DDX19A: variants seen among roughly 807,000 people sequenced by gnomAD.
The protein encoded by DDX19A is ATP-dependent RNA helicase DDX19A.
A neutral mutation model predicts 60.6 loss-of-function variants in DDX19A; 12 were observed. The ratio of observed to expected loss-of-function variants is 0.20; its 90% CI spans 0.13 to 0.32. The LOEUF (loss-of-function observed/expected upper bound fraction) is 0.32. DDX19A is among the 10% of genes least tolerant of loss of function. The probability of loss-of-function intolerance (pLI) is 1.00; values close to 1 mark genes in which losing one functional copy is unlikely to be tolerated. For missense variants in DDX19A, 337 were observed against 600.6 expected (o/e 0.56, Z 4.59); for synonymous variants, 206 against 218.2 (o/e 0.94, Z 0.49).
chr16:70,351,730 G>A (rs988441071), intron 2 of DDX19A, among the ~76,000 whole-genome samples: 2 of 151,390 alleles, frequency 1.3e-5, no homozygotes, highest in African/African-American at 4.9e-5. Context: ...GGGTTTCACC[G>A]TGTTAGCCAG....
intron 7 of DDX19A, chr16:70,365,774 T>G (rs1964501640): frequency 1.7e-5 from 7 of 411,028 alleles, no homozygotes; most frequent in Middle Eastern, 7.6e-4. Context: ...AGTGAGACCC[T>G]GTCTCAAAAT....
At chr16:70,356,886 G>T in intron 4 of DDX19A, 1 of 1,273,828 alleles carries the variant, frequency 7.9e-7, no homozygotes, top group South Asian at 1.3e-5. Context: ...ATTTCTGGAT[G>T]TCAGGAACAT....
At position 70,356,171 on chromosome 16, in the gene DDX19A, A is replaced by G; in HGVS notation, c.217A>G (p.Thr73Ala). The G allele has an allele frequency of 3.1e-6, 5 of 1,613,990 alleles. No homozygotes were observed. The highest frequency in any genetic ancestry group is 4.2e-6 in the Non-Finnish European group (5 of 1,179,998). The change falls in exon 4 of 12, where the codon ACA becomes GCA. Residue 73 changes from threonine to alanine, a missense_variant. By Grantham distance (58) the Thr-to-Ala change is moderately conservative. This residue lies in a region of DDX19A where 127 missense variants were observed against 160.3 expected (regional missense o/e 0.79). Transcript: ENST00000302243. Reference protein sequence around the residue: ...KLIRSNLVDNTNQVEVLQRDP... With the variant: ...KLIRSNLVDNANQVEVLQRDP... ...GATCAGAAGCAACCTTGTTGATAAC[A>G]CAAACCAAGTGGAAGTCCTGCAACG...
chr16:70,368,598 T>TTA (rs1964589068), intron 9 of DDX19A, among the ~76,000 whole-genome samples: 1 of 151,356 alleles, frequency 6.6e-6, no homozygotes, highest in African/African-American at 2.4e-5. Context: ...TTTTTTTTTT[T>TTA]AGACGGTCTC....
chr16:70,371,066 T>C, intron 10 of DDX19A: 1 of 509,250 alleles, frequency 2.0e-6, no homozygotes, highest in South Asian at 2.4e-5. Flanking sequence ...TGGAAGGAAA[T>C]GTACAGGCAT....
Position 70,373,351 on chromosome 16 carries a change from T to C in DDX19A, c.*1365T>C, listed in dbSNP as rs959588342. 1 of 152,238 alleles carries C rather than the reference T, an allele frequency of 6.6e-6. No homozygotes were observed. Among genetic ancestry groups the C allele is most frequent in the East Asian group, 1.9e-4 (1 of 5,202 alleles). The allele number at this position is 152,238 out of a possible 1,614,324, so 9.4% of individuals were successfully genotyped here. On this transcript the variant is annotated 3_prime_UTR_variant, in exon 12 of 12. Coordinates refer to ENST00000302243, the MANE Select transcript of DDX19A (RefSeq NM_018332.5). The stretch of plus-strand genomic sequence containing the variant: ...TTTGTTTTTATTTGTATTTTTCTGC[T>C]TATTAGACAAATATATACTCATTTT...
chr16:70,361,811 C>T (rs954064629), intron 5 of DDX19A, among the ~76,000 whole-genome samples: 9 of 151,936 alleles, frequency 5.9e-5, no homozygotes, highest in East Asian at 3.9e-4. Flanking sequence ...CCGAGGCGGG[C>T]GGATCACCTG....
chr16:70,355,651 TAGTC>T, intron 3 of DDX19A, 116 bp downstream of exon 3: 1 of 846,000 alleles, frequency 1.2e-6, no homozygotes, highest in South Asian at 1.4e-5. Context: ...AGAGAAGGAA[TAGTC>T]AGTGAGAGGA....
rs531318121 is a variant in DDX19A, at chr16:70,350,600, C to A, written c.101C>A (p.Thr34Asn). 3 of 1,611,256 alleles carry A rather than the reference C, an allele frequency of 1.9e-6. No individual in the cohort carries two copies. The highest frequency in any genetic ancestry group is 4.5e-5 in the East Asian group (2 of 44,784). The change falls in exon 2 of 12, where the codon ACC becomes AAC. Residue 34 changes from threonine (T) to asparagine (N), a missense_variant. Transcript: ENST00000302243. ...QIKEEKVKADTNGIIKTSTTA... is the reference protein window; with the variant it reads ...QIKEEKVKADNNGIIKTSTTA... ...AAGGAAGAGAAAGTCAAAGCAGATA[C>A]CAATGGTGAGTCACTAGTAACTACA...
In DDX19A at chr16:70,353,585, ACT is replaced by A. The variant is rs1964092609; in HGVS notation, c.107-1896_107-1895del. Among the ~76,000 whole-genome samples the A allele has an allele frequency of 2.6e-5, 4 of 151,406 alleles. No individual in the cohort carries two copies. In the South Asian group the frequency reaches 8.3e-4, roughly 32 times the overall value. On this transcript the variant is annotated intron_variant, in intron 2 of 11. Coordinates refer to ENST00000302243, the MANE Select transcript of DDX19A (RefSeq NM_018332.5). Reference sequence around the variant, plus strand: ...TTCTGTGATGAGATTGTAGGGAAACACTCTCATTCTTGCTGATGGAAATATTA... The same window carrying A: ...TTCTGTGATGAGATTGTAGGGAAACACTCATTCTTGCTGATGGAAATATTA...
At chr16:70,365,332 TAAAA>T (rs536851920) in intron 7 of DDX19A, 1 of 365,630 alleles carries the variant, frequency 2.7e-6, no homozygotes, top group South Asian at 4.3e-5. Flanking sequence ...TTCGGTTGAT[TAAAA>T]AAAAAAATCC....
intron 9 of DDX19A, among the ~76,000 whole-genome samples, chr16:70,368,218 A>G (rs527302834): frequency 9.2e-5 from 14 of 152,172 alleles, no homozygotes; most frequent in Non-Finnish European, 2.1e-4. Flanking sequence ...TGATAACAGT[A>G]ATATATCTCT....
intron 9 of DDX19A, 72 bp from the exon 10 acceptor site, chr16:70,370,150 GC>G: frequency 5.9e-6 from 9 of 1,518,312 alleles, no homozygotes; most frequent in Non-Finnish European, 7.9e-6. Flanking sequence ...CTGAGTGACA[GC>G]AAGACTGTGT....
intron 8 of DDX19A, 57 bp from the exon 9 acceptor site, chr16:70,366,567 T>G (rs1269311160): frequency 6.2e-7 from 1 of 1,606,590 alleles, no homozygotes; most frequent in Non-Finnish European, 8.5e-7. Flanking sequence ...GGGGAGGCTG[T>G]GCTTCCGTTG....
At position 70,373,263 on chromosome 16, in the gene DDX19A, C is replaced by T. The variant is rs1343660807; in HGVS notation, c.*1277C>T. On this transcript the variant is annotated 3_prime_UTR_variant, in exon 12 of 12. Transcript: ENST00000302243. ...ATAAATAAGGATGGATAAATTGTAG[C>T]GTATGCACCATTCATTATGCTAAGA... 6.6e-6 allele frequency: 1 copy of T among 152,012 alleles called. No individual in the cohort carries two copies. The highest frequency in any genetic ancestry group is 2.4e-5 in the African/African-American group (1 of 41,394). The allele number at this position is 152,012 out of a possible 1,614,324, so 9.4% of individuals were successfully genotyped here.
At chr16:70,355,316 A>G (rs887739544) in intron 2 of DDX19A, among the ~76,000 whole-genome samples, 169 bp from the exon 3 acceptor site, 47 of 152,340 alleles carry the variant, frequency 3.1e-4, no homozygotes, top group Admixed American at 6.5e-4. Context: ...TGGAGGTTGC[A>G]GTGAGCCAAG....
At chr16:70,359,069 T>G (rs1273588882) in intron 4 of DDX19A, among the ~76,000 whole-genome samples, 1 of 152,196 alleles carries the variant, frequency 6.6e-6, no homozygotes, top group African/African-American at 2.4e-5. Flanking sequence ...TGAATTGTCC[T>G]CTGTAAAAGA....
At chr16:70,367,389 C>T (rs1271150684) in intron 9 of DDX19A, among the ~76,000 whole-genome samples, 1 of 151,146 alleles carries the variant, frequency 6.6e-6, no homozygotes, top group East Asian at 2.0e-4. Flanking sequence ...GATCACACCA[C>T]GGCACTCCAG....
In DDX19A at chr16:70,355,536, G is replaced by A. The variant is rs1413400136; in HGVS notation, c.157+1G>A. 1.9e-6 allele frequency: 3 copies of A among 1,613,608 alleles called. No homozygotes were observed. Among genetic ancestry groups the A allele is most frequent in the Non-Finnish European group, 2.5e-6 (3 of 1,179,656 alleles). On this transcript the variant is annotated splice_donor_variant, in intron 3 of 11. Coordinates refer to ENST00000302243, the MANE Select transcript of DDX19A (RefSeq NM_018332.5). LOFTEE classifies it high-confidence loss of function. ...GAGAAAACAGATGAAGAGGAGAAAG[G>A]TAACTACTTTTGGATGCCCTTGGCA...
Sources: allele counts gnomAD v4.1 joint callset (sites outside exome capture counted in the v4.1 genomes callset), GRCh38; gene constraint gnomAD v4.1.1; regional missense constraint gnomAD v4.1.1; transcripts MANE v1.5; gene names NCBI Gene and HGNC (gene_info 2026-07-23, HGNC 2026-07-21).